Variants in LRP2 observed in about 807,000 individuals in gnomAD.
LRP2 encodes the protein low-density lipoprotein receptor-related protein 2.
In LRP2, 172 loss-of-function variants were observed where a neutral mutation model predicts 531.0. The observed-to-expected ratio is 0.32, with a 90% CI of 0.29 to 0.37. The LOEUF (loss-of-function observed/expected upper bound fraction) is 0.37. Ranked by LOEUF, LRP2 falls within the 10% of genes least tolerant of loss-of-function variation. The pLI is 1.00. For missense variants in LRP2, 5,167 were observed against 5,868.3 expected (o/e 0.88, Z 3.90); for synonymous variants, 1,992 against 2,027.6 (o/e 0.98, Z 0.47).
chr2:169,259,383 G>C (rs1007062855), intron 16 of LRP2, among the ~76,000 whole-genome samples, 166 bp from the exon 17 acceptor site: 1 of 147,270 alleles, frequency 6.8e-6, no homozygotes, highest in Non-Finnish European at 1.5e-5. Flanking sequence ...AAGCTGCTGA[G>C]CAATAACATG....
intron 3 of LRP2, among the ~76,000 whole-genome samples, chr2:169,309,273 G>T (rs1472888337): frequency 1.3e-5 from 2 of 152,122 alleles, no homozygotes; most frequent in Non-Finnish European, 1.5e-5. Flanking sequence ...ATTGCTTTTG[G>T]TGTTTTAGAC....
intron 1 of LRP2, among the ~76,000 whole-genome samples, chr2:169,355,428 C>T (rs1377440149): frequency 2.0e-5 from 3 of 152,162 alleles, no homozygotes; most frequent in Non-Finnish European, 4.4e-5. Flanking sequence ...TCACCATTCT[C>T]CCAATAATTA....
At chr2:169,263,256 A>C (rs991700854) in intron 16 of LRP2, among the ~76,000 whole-genome samples, 4 of 152,172 alleles carry the variant, frequency 2.6e-5, no homozygotes, top group African/African-American at 9.7e-5. Flanking sequence ...GGATCTAATT[A>C]AACTAAAGAG....
In LRP2 at chr2:169,166,046, G is replaced by C; in HGVS notation, c.11644C>G (p.Pro3882Ala). 1 of 1,613,954 alleles carries C rather than the reference G, an allele frequency of 6.2e-7. No individual in the cohort carries two copies. Among genetic ancestry groups the C allele is most frequent in the Non-Finnish European group, 8.5e-7 (1 of 1,179,900 alleles). ...CGGAAACGGTTTGGTGAATTACAGGGAACATCCACTGAAAGGAAAGATAGA... is the reference window on the plus strand; with the variant it reads ...CGGAAACGGTTTGGTGAATTACAGGCAACATCCACTGAAAGGAAAGATAGA... ...DEELHLCLDV[P>A]CNSPNRFRCD... The change falls in exon 62 of 79, where the codon CCC becomes GCC. Residue 3882 changes from proline to alanine, a missense_variant. Around this residue, in one of 6 missense-constraint regions of LRP2, gnomAD observed 564 missense variants for 747.7 expected, o/e 0.75. Coordinates refer to ENST00000649046, the MANE Select transcript of LRP2 (RefSeq NM_004525.3).
At chr2:169,263,825 A>G (rs1327391296) in intron 16 of LRP2, among the ~76,000 whole-genome samples, 4 of 152,068 alleles carry the variant, frequency 2.6e-5, no homozygotes, top group African/African-American at 4.8e-5. Context: ...TATTCACAAT[A>G]GCAAAGACTT....
chr2:169,240,651 A>T (rs924409037), intron 25 of LRP2: 9 of 491,242 alleles, frequency 1.8e-5, no homozygotes, highest in Middle Eastern at 5.4e-4. Context: ...TCTGATTGAA[A>T]TTAGAAAATA....
At position 169,293,817 on chromosome 2, in the gene LRP2, G is replaced by T. The variant is rs1255048179; in HGVS notation, c.652+331C>A. On this transcript the variant is annotated intron_variant, in intron 6 of 78. Transcript: ENST00000649046. ...ACACTTCTCTCATTCTACTATCAAG[G>T]TTGTCAGAGGTATGGGTCATTTGAG... 2.0e-5 allele frequency among the ~76,000 whole-genome samples: 3 copies of T among 152,066 alleles called. No homozygotes were observed. In the South Asian group the frequency reaches 6.2e-4, roughly 32 times the overall value.
intron 34 of LRP2, 86 bp from the exon 35 acceptor site, chr2:169,216,516 C>T (rs1688801194): frequency 7.9e-7 from 1 of 1,268,940 alleles, no homozygotes; most frequent in South Asian, 1.2e-5. Context: ...ATTACTTGTC[C>T]TCAAGATGCT....
chr2:169,352,768 G>A (rs1024304762), intron 1 of LRP2, among the ~76,000 whole-genome samples: 7 of 151,574 alleles, frequency 4.6e-5, no homozygotes, highest in Non-Finnish European at 8.8e-5. Context: ...ACCAAACACC[G>A]CATGTTCTCA....
intron 33 of LRP2, 118 bp downstream of exon 33, chr2:169,225,192 T>C: frequency 9.6e-7 from 1 of 1,045,022 alleles, no homozygotes; most frequent in Non-Finnish European, 1.5e-6. Flanking sequence ...TAATATCTTT[T>C]CCCTTTTTCT....
chr2:169,196,462 C>T (rs970486541), intron 46 of LRP2, among the ~76,000 whole-genome samples: 1 of 152,226 alleles, frequency 6.6e-6, no homozygotes, highest in Non-Finnish European at 1.5e-5. Context: ...TCTTGGGCCT[C>T]TTGTGCTCAT....
chr2:169,265,926 A>AT (rs1227092126), intron 16 of LRP2, among the ~76,000 whole-genome samples: 2 of 152,030 alleles, frequency 1.3e-5, no homozygotes, highest in East Asian at 1.9e-4. Context: ...AAGAAAAAAA[A>AT]AATTATAGAT....
chr2:169,352,461 A>G (rs1305087441), intron 1 of LRP2, among the ~76,000 whole-genome samples: 1 of 152,210 alleles, frequency 6.6e-6, no homozygotes, highest in Non-Finnish European at 1.5e-5. Context: ...AGAAATTTGC[A>G]GTGGTAAGTC....
intron 61 of LRP2, among the ~76,000 whole-genome samples, chr2:169,166,402 T>G (rs183445116): frequency 6.6e-6 from 1 of 152,260 alleles, no homozygotes; most frequent in African/African-American, 2.4e-5. Flanking sequence ...AAACTTCCCA[T>G]AGATTCTGAG....
chr2:169,182,055 G>T, intron 51 of LRP2, 112 bp downstream of exon 51: 6 of 1,408,374 alleles, frequency 4.3e-6, no homozygotes, highest in Non-Finnish European at 6.0e-6. Flanking sequence ...AAAAGCAGAA[G>T]ACAAACCCCA....
intron 42 of LRP2, 141 bp downstream of exon 42, chr2:169,203,841 T>C (rs1474013362): frequency 4.9e-6 from 4 of 809,894 alleles, no homozygotes; most frequent in East Asian, 2.6e-5. Context: ...TCTCAAAATA[T>C]AGCCCCAGGT....
intron 49 of LRP2, 94 bp downstream of exon 49, chr2:169,187,876 T>C: frequency 7.5e-7 from 1 of 1,324,926 alleles, no homozygotes; most frequent in Non-Finnish European, 1.1e-6. Context: ...ACTTTGTAGT[T>C]AGAGGACAGG....
At position 169,300,825 on chromosome 2, in the gene LRP2, G is replaced by A. The variant is rs374482013; in HGVS notation, c.428-6115C>T. ...AGAGAGAATAGCAAGGGCAAGGCTC[G>A]CTGGGCAGCTTAAATGTGGAACTGA... On this transcript the variant is annotated intron_variant, in intron 4 of 78. Transcript: ENST00000649046. 6.6e-5 allele frequency among the ~76,000 whole-genome samples: 10 copies of A among 151,950 alleles called. No individual in the cohort carries two copies. The East Asian group carries it at 1.2e-3, about 18-fold the overall frequency.
chr2:169,202,899 C>T lies in LRP2; in HGVS notation c.8066G>A (p.Arg2689Lys). ...HEGNWYLANN[R>K]KHCIVDNGER... The stretch of plus-strand genomic sequence containing the variant: ...ACCATTGTCCACAATGCAGTGCTTC[C>T]TGTTGTTGGCCAAATACCAGTTGCC... Residue 2689 changes from arginine to lysine, a missense_variant, in exon 43 of 79, where the codon AGG (arginine) becomes AAG (lysine). Transcript: ENST00000649046. 6.2e-7 allele frequency: 1 copy of T among 1,614,212 alleles called. No homozygotes were observed. Among genetic ancestry groups the T allele is most frequent in the Non-Finnish European group, 8.5e-7 (1 of 1,180,040 alleles).
Sources: gnomAD v4.1 joint callset for allele counts (sites outside exome capture counted in the v4.1 genomes callset) on GRCh38, gnomAD v4.1.1 for gene constraint, gnomAD v4.1.1 regional missense constraint, MANE v1.5 for transcripts, NCBI Gene and HGNC (gene_info 2026-07-23, HGNC 2026-07-21) for gene names.